The following AK8 variants were observed in gnomAD, a reference collection of about 807,000 sequenced individuals.
AK8 encodes ATP-AMP transphosphorylase 8.
AK8 carries 44 observed loss-of-function variants against 54.6 expected under a neutral mutation model. That is an observed-to-expected ratio of 0.81 (90% CI 0.63 to 1.04). The LOEUF is 1.04. Ranked by LOEUF, AK8 falls within the 50% of genes least tolerant of loss-of-function variation. AK8 has a pLI of 0.00. For missense variants in AK8, 555 were observed against 613.6 expected (o/e 0.90, Z 1.01); for synonymous variants, 239 against 245.6 (o/e 0.97, Z 0.25).
At position 132,860,474 on chromosome 9, in the gene AK8, G is replaced by A. The variant is rs1360940479; in HGVS notation, c.333+3191C>T. Among the ~76,000 whole-genome samples the A allele has an allele frequency of 1.3e-5, 2 of 152,252 alleles. No homozygotes were observed. The highest frequency in any genetic ancestry group is 1.5e-5 in the Non-Finnish European group (1 of 68,046). On this transcript the variant is annotated intron_variant, in intron 4 of 12. Transcript: ENST00000298545. This position sits in a 1 kb window ranked among gnomAD's most constrained non-coding sequence, Gnocchi z 4.4. ...TTCACATCTGGCGGACTCGAACGCA[G>A]GTAGAGGACAGGGAGAGTTCTAGAG...
chr9:132,861,033 A>G (rs1843365382), intron 4 of AK8, among the ~76,000 whole-genome samples: 1 of 152,234 alleles, frequency 6.6e-6, no homozygotes, highest in African/African-American at 2.4e-5. Context: ...CATCTGTCGA[A>G]GCAGGGGATG....
rs370520064 is a variant in AK8, at chr9:132,823,254, C to T, written c.840G>A (p.Gly280=). The change falls in exon 9 of 13, where the codon GGG becomes GGA. Residue 280 remains glycine (G), a synonymous_variant. Coordinates refer to ENST00000298545, the MANE Select transcript of AK8 (RefSeq NM_152572.3). ...RVLLLGPVGS[G]KSLQAALLAQ... Reference sequence around the variant, plus strand: ...CCAGGAGGGCGGCCTGCAGACTTTTCCCACTGCCCACAGGCCCGAGCAGCA... The same window carrying T: ...CCAGGAGGGCGGCCTGCAGACTTTTTCCACTGCCCACAGGCCCGAGCAGCA... The T allele has an allele frequency of 1.2e-6, 2 of 1,606,718 alleles. No homozygotes were observed. Among genetic ancestry groups the T allele is most frequent in the Non-Finnish European group, 8.5e-7 (1 of 1,177,098 alleles).
intron 12 of AK8, 105 bp downstream of exon 12, chr9:132,727,349 C>G: frequency 9.5e-7 from 1 of 1,049,422 alleles, no homozygotes; most frequent in Admixed American, 1.8e-5. Flanking sequence ...CTTCAGTGGT[C>G]ACCAGTGTTA....
intron 11 of AK8, among the ~76,000 whole-genome samples, chr9:132,732,929 C>T (rs1778484120): frequency 6.6e-6 from 1 of 152,128 alleles, no homozygotes; most frequent in African/African-American, 2.4e-5. Flanking sequence ...ACTATGAGTC[C>T]CTGAGCCACA....
intron 4 of AK8, among the ~76,000 whole-genome samples, chr9:132,858,479 T>C (rs192945439): frequency 6.6e-6 from 1 of 152,226 alleles, no homozygotes; most frequent in Non-Finnish European, 1.5e-5. Flanking sequence ...ACATGGTGAG[T>C]GATGCCTGCT....
chr9:132,752,756 C>T (rs866175554), intron 11 of AK8, among the ~76,000 whole-genome samples: 30 of 143,214 alleles, frequency 2.1e-4, no homozygotes, highest in Middle Eastern at 8.0e-3. Flanking sequence ...TTCCTCCCCT[C>T]CTCCTGCAGC....
intron 11 of AK8, among the ~76,000 whole-genome samples, chr9:132,746,618 C>T (rs1228211777): frequency 1.3e-5 from 2 of 152,244 alleles, no homozygotes; most frequent in African/African-American, 2.4e-5. Flanking sequence ...CATCACTTTC[C>T]TCTTCCACAA....
chr9:132,729,810 C>A (rs1836749969), intron 11 of AK8, among the ~76,000 whole-genome samples: 1 of 152,134 alleles, frequency 6.6e-6, no homozygotes, highest in African/African-American at 2.4e-5. Flanking sequence ...ACAAACACTC[C>A]CTGTGCACCC....
chr9:132,857,522 G>A (rs917396416), intron 4 of AK8, among the ~76,000 whole-genome samples: 16 of 152,056 alleles, frequency 1.1e-4, no homozygotes, highest in African/African-American at 3.4e-4. Context: ...TCCCCCCTCC[G>A]TCTCATCCTC....
intron 5 of AK8, among the ~76,000 whole-genome samples, chr9:132,843,196 T>G (rs1842611422): frequency 6.6e-6 from 1 of 152,140 alleles, no homozygotes; most frequent in Non-Finnish European, 1.5e-5. Flanking sequence ...GGGAGGTGTT[T>G]GGATCATGGG....
At chr9:132,876,072 A>G (rs1844082548) in intron 1 of AK8, among the ~76,000 whole-genome samples, 1 of 152,180 alleles carries the variant, frequency 6.6e-6, no homozygotes, top group Admixed American at 6.5e-5. Flanking sequence ...AGGGACAAGG[A>G]GGGAGGGGCT....
At chr9:132,852,769 C>CAAA (rs35786801) in intron 5 of AK8, among the ~76,000 whole-genome samples, 52 of 16,362 alleles carry the variant, frequency 3.2e-3, no homozygotes, top group African/African-American at 4.7e-3. Flanking sequence ...GATTAGGTCT[C>CAAA]AAAAAAAAAA....
chr9:132,757,121 A>G (rs77634359), intron 11 of AK8, among the ~76,000 whole-genome samples: 1,839 of 151,992 alleles, frequency 0.012, 38 homozygotes, highest in African/African-American at 0.04. Flanking sequence ...CACCCGACAG[A>G]TGACAACGGA....
chr9:132,868,058 C>G (rs1377872882), intron 2 of AK8, among the ~76,000 whole-genome samples: 2 of 152,182 alleles, frequency 1.3e-5, no homozygotes, highest in African/African-American at 4.8e-5. Context: ...TGTGGGAAGC[C>G]GGTAACCTTG....
chr9:132,825,303 C>G (rs1588176018), intron 8 of AK8, among the ~76,000 whole-genome samples: 1 of 152,190 alleles, frequency 6.6e-6, no homozygotes, highest in East Asian at 1.9e-4. Context: ...TTCAATTTAT[C>G]TCTCTGCATT....
At chr9:132,866,671 G>C (rs75171536) in intron 3 of AK8, among the ~76,000 whole-genome samples, 4,550 of 152,224 alleles carry the variant, frequency 0.03, 244 homozygotes, top group African/African-American at 0.1. Context: ...AGGTGTCTCC[G>C]AGCATGCTAA....
chr9:132,861,374 A>G (rs1452199392), intron 4 of AK8: 1 of 152,206 alleles, frequency 6.6e-6, no homozygotes, highest in Non-Finnish European at 1.5e-5. Context: ...ATGAATTAGT[A>G]AATGAATTGA....
At chr9:132,729,448 G>C (rs1011409151) in intron 11 of AK8, among the ~76,000 whole-genome samples, 1 of 152,314 alleles carries the variant, frequency 6.6e-6, no homozygotes, top group South Asian at 2.1e-4. Context: ...GAGAGGTGGG[G>C]CTGGGGATGA....
intron 2 of AK8, 80 bp downstream of exon 2, chr9:132,875,035 G>A: frequency 6.4e-7 from 1 of 1,552,658 alleles, no homozygotes; most frequent in East Asian, 2.3e-5. Context: ...GGAGGAGGAG[G>A]CAGAGGAGTC....
Sources: gnomAD v4.1 joint callset for allele counts (sites outside exome capture counted in the v4.1 genomes callset) on GRCh38, gnomAD v4.1.1 for gene constraint, Gnocchi (gnomAD v3.1) non-coding constraint, MANE v1.5 for transcripts, NCBI Gene and HGNC (gene_info 2026-07-23, HGNC 2026-07-21) for gene names.